KLHL29: variants seen among roughly 807,000 people sequenced by gnomAD.
KLHL29 encodes the protein kelch-like protein 29.
A neutral mutation model predicts 80.4 loss-of-function variants in KLHL29; 21 were observed. That is an observed-to-expected ratio of 0.26 (90% CI 0.19 to 0.38). KLHL29 has a LOEUF of 0.38. Among genes scored for constraint, KLHL29 ranks in the 10% least tolerant of loss-of-function variants. The pLI is 1.00. For missense variants in KLHL29, 867 were observed against 1,223.9 expected (o/e 0.71, Z 4.35); for synonymous variants, 511 against 526.8 (o/e 0.97, Z 0.41).
intron 2 of KLHL29, among the ~76,000 whole-genome samples, chr2:23,489,110 G>C (rs529572723): frequency 1.3e-5 from 2 of 152,284 alleles, no homozygotes; most frequent in South Asian, 2.1e-4. Context: ...AGAGAAACTG[G>C]TGTTTATCAC....
In KLHL29 at chr2:23,706,915, G is replaced by A; in HGVS notation, c.*251G>A. 1 of 410,880 alleles carries A rather than the reference G, an allele frequency of 2.4e-6. No homozygotes were observed. Among genetic ancestry groups the A allele is most frequent in the Middle Eastern group, 6.2e-4 (1 of 1,606 alleles). 25.5% of individuals were successfully genotyped at this position (410,880 alleles called of 1,614,324 possible). A position where few individuals can be genotyped will look rare whatever the true frequency, so the allele number is the denominator to read the frequency against. On this transcript the variant is annotated 3_prime_UTR_variant, in exon 14 of 14. Transcript: ENST00000486442. ...TGGGGCTGGCTGCCTCCTGAACAGG[G>A]GCGCTCGCTCTGCCAGGTGCAATAG...
At chr2:23,498,761 A>G (rs1356837012) in intron 2 of KLHL29, among the ~76,000 whole-genome samples, 1 of 152,250 alleles carries the variant, frequency 6.6e-6, no homozygotes, top group Non-Finnish European at 1.5e-5. Flanking sequence ...TTTAAGCTAA[A>G]TTAATGTTAA....
intron 1 of KLHL29, among the ~76,000 whole-genome samples, chr2:23,438,902 T>G (rs1230639391): frequency 6.7e-6 from 1 of 149,880 alleles, no homozygotes; most frequent in Non-Finnish European, 1.5e-5. Context: ...TTCCTCCTTG[T>G]ACCTGTGGTA....
chr2:23,412,695 A>G (rs1007949844), intron 1 of KLHL29, among the ~76,000 whole-genome samples: 1 of 152,160 alleles, frequency 6.6e-6, no homozygotes, highest in Admixed American at 6.5e-5. Flanking sequence ...GGCCTGGACA[A>G]AAAAGTTCCA....
chr2:23,673,511 C>CT (rs2149178249), intron 5 of KLHL29, among the ~76,000 whole-genome samples: 1 of 152,024 alleles, frequency 6.6e-6, no homozygotes, highest in East Asian at 1.9e-4. Context: ...ACACCACATG[C>CT]TTCCATACAC....
At chr2:23,693,838 C>T (rs1166040768) in intron 8 of KLHL29, among the ~76,000 whole-genome samples, 1 of 152,176 alleles carries the variant, frequency 6.6e-6, no homozygotes, top group African/African-American at 2.4e-5. Context: ...GGAGCCCATA[C>T]CTGCTCTGAT....
At chr2:23,556,058 T>A (rs541349734) in intron 2 of KLHL29, among the ~76,000 whole-genome samples, 2 of 152,344 alleles carry the variant, frequency 1.3e-5, no homozygotes, top group African/African-American at 4.8e-5. Context: ...GAGCTCCCAG[T>A]GACGTGTTCC....
At chr2:23,643,101 A>G (rs1390849168) in intron 5 of KLHL29, 6 of 637,908 alleles carry the variant, frequency 9.4e-6, no homozygotes, top group Non-Finnish European at 1.7e-5. Flanking sequence ...AGGAAGGGAG[A>G]GCCTGCAAAG....
chr2:23,537,241 C>G (rs1666699185), intron 2 of KLHL29, among the ~76,000 whole-genome samples: 1 of 152,188 alleles, frequency 6.6e-6, no homozygotes, highest in Non-Finnish European at 1.5e-5. Flanking sequence ...AGTGCTGCCG[C>G]TTCTGTGCCC....
chr2:23,489,905 G>A (rs1373559755), intron 2 of KLHL29, among the ~76,000 whole-genome samples: 1 of 152,130 alleles, frequency 6.6e-6, no homozygotes, highest in African/African-American at 2.4e-5. Flanking sequence ...CCTCTCAGGC[G>A]GGTACCAGGA....
chr2:23,570,110 G>A (rs977600167), intron 3 of KLHL29, among the ~76,000 whole-genome samples: 6 of 152,164 alleles, frequency 3.9e-5, no homozygotes, highest in Admixed American at 6.5e-5. Flanking sequence ...TCTAGAACCC[G>A]TAGGCAAGAA....
chr2:23,704,691 C>T (rs914355453), intron 13 of KLHL29, among the ~76,000 whole-genome samples: 13 of 152,140 alleles, frequency 8.5e-5, no homozygotes, highest in African/African-American at 2.7e-4. Context: ...CGCTTGAACC[C>T]GGGAGGCGGA....
intron 1 of KLHL29, among the ~76,000 whole-genome samples, chr2:23,470,395 G>T (rs1664466121): frequency 6.6e-6 from 1 of 152,192 alleles, no homozygotes; most frequent in Non-Finnish European, 1.5e-5. Context: ...GGAATGGGAG[G>T]CACAAAATCC....
At chr2:23,637,329 ATGCTGG>A (rs1669639503) in intron 3 of KLHL29, among the ~76,000 whole-genome samples, 2 of 152,170 alleles carry the variant, frequency 1.3e-5, no homozygotes, top group African/African-American at 2.4e-5. Flanking sequence ...TATTTGGAGA[ATGCTGG>A]AAAAACCATG....
At chr2:23,518,102 C>G (rs1004920905) in intron 2 of KLHL29, among the ~76,000 whole-genome samples, 2 of 152,078 alleles carry the variant, frequency 1.3e-5, no homozygotes, top group African/African-American at 4.8e-5. Context: ...TTAGAGTAAC[C>G]CCCTGAATTA....
chr2:23,406,353 A>G (rs962107841), intron 1 of KLHL29, among the ~76,000 whole-genome samples: 5 of 151,700 alleles, frequency 3.3e-5, no homozygotes, highest in African/African-American at 7.3e-5. Context: ...AGAAAAGAAA[A>G]CACACATATT....
At chr2:23,584,623 C>T (rs914052971) in intron 3 of KLHL29, among the ~76,000 whole-genome samples, 1 of 152,228 alleles carries the variant, frequency 6.6e-6, no homozygotes, top group East Asian at 1.9e-4. Context: ...CCTAGACTTA[C>T]TCTGGGCACA....
chr2:23,662,842 A>G (rs1670450090), intron 5 of KLHL29, among the ~76,000 whole-genome samples: 1 of 152,182 alleles, frequency 6.6e-6, no homozygotes, highest in Non-Finnish European at 1.5e-5. Context: ...TGCCTGGGGA[A>G]GGGTGAGCAG....
chr2:23,591,171 A>G (rs1010564644), intron 3 of KLHL29, among the ~76,000 whole-genome samples: 7 of 152,180 alleles, frequency 4.6e-5, no homozygotes, highest in Non-Finnish European at 7.4e-5. Context: ...GGGTATCTGG[A>G]CAAGCATGTT....
Sources: gnomAD v4.1 joint callset for allele counts (sites outside exome capture counted in the v4.1 genomes callset) on GRCh38, gnomAD v4.1.1 for gene constraint, MANE v1.5 for transcripts, NCBI Gene and HGNC (gene_info 2026-07-23, HGNC 2026-07-21) for gene names.